GRIK4: variants seen among roughly 807,000 people sequenced by gnomAD.
The protein encoded by GRIK4 is glutamate receptor ionotropic, kainate 4.
GRIK4 carries 40 observed loss-of-function variants against 104.9 expected under a neutral mutation model. The ratio of observed to expected loss-of-function variants is 0.38; its 90% confidence interval spans 0.30 to 0.50. GRIK4 has a LOEUF of 0.50. Ranked by LOEUF, GRIK4 falls within the 20% of genes least tolerant of loss-of-function variation. GRIK4 has a pLI of 0.93. For missense variants in GRIK4, 1,047 were observed against 1,308.1 expected (o/e 0.80, Z 3.08); for synonymous variants, 485 against 524.9 (o/e 0.92, Z 1.04).
intron 3 of GRIK4, among the ~76,000 whole-genome samples, chr11:120,801,666 C>G (rs1227149123): frequency 6.6e-6 from 1 of 152,084 alleles, no homozygotes; most frequent in African/African-American, 2.4e-5. Flanking sequence ...ATTTGGGTTT[C>G]TTTTTGGAAA....
At chr11:120,911,825 C>CA (rs201824002) in intron 13 of GRIK4, among the ~76,000 whole-genome samples, 3,096 of 124,572 alleles carry the variant, frequency 0.025, 120 homozygotes, top group African/African-American at 0.091. Context: ...GCCTGAGTGA[C>CA]AGAGTAAGAC....
chr11:120,538,167 A>T (rs538406689), intron 1 of GRIK4, among the ~76,000 whole-genome samples: 2 of 152,330 alleles, frequency 1.3e-5, no homozygotes, highest in African/African-American at 4.8e-5. Context: ...AGCGGCACGC[A>T]TCCCATCCCT....
chr11:120,594,508 C>T (rs1047110024), intron 1 of GRIK4, among the ~76,000 whole-genome samples: 18 of 152,024 alleles, frequency 1.2e-4, no homozygotes, highest in African/African-American at 2.7e-4. Context: ...TAAATAAAAT[C>T]GTAACTCTTT....
intron 3 of GRIK4, among the ~76,000 whole-genome samples, chr11:120,776,867 A>G (rs1241985768): frequency 6.6e-6 from 1 of 152,206 alleles, no homozygotes; most frequent in African/African-American, 2.4e-5. Flanking sequence ...CCGCAGAGCA[A>G]GAGACAAGAG....
At chr11:120,627,690 G>A (rs1040168360) in intron 1 of GRIK4, among the ~76,000 whole-genome samples, 7 of 152,202 alleles carry the variant, frequency 4.6e-5, no homozygotes, top group Admixed American at 4.6e-4. Context: ...TGAGCTTGTG[G>A]CTTGGGGCCC....
At chr11:120,927,058 G>A (rs1019127297) in intron 13 of GRIK4, among the ~76,000 whole-genome samples, 1 of 152,128 alleles carries the variant, frequency 6.6e-6, no homozygotes, top group Non-Finnish European at 1.5e-5. Flanking sequence ...TAAACTCCAA[G>A]ACCCCAAGGT....
chr11:120,711,719 A>G (rs1279701029), intron 3 of GRIK4, among the ~76,000 whole-genome samples: 1 of 152,238 alleles, frequency 6.6e-6, no homozygotes, highest in Non-Finnish European at 1.5e-5. Flanking sequence ...GGATGATCCA[A>G]TAGAAAGAGG....
intron 3 of GRIK4, among the ~76,000 whole-genome samples, chr11:120,772,393 A>G (rs1951964118): frequency 6.6e-6 from 1 of 152,168 alleles, no homozygotes; most frequent in Non-Finnish European, 1.5e-5. Flanking sequence ...GGCATCCTCA[A>G]ATAAAAATTA....
At chr11:120,751,773 C>T (rs533188288) in intron 3 of GRIK4, among the ~76,000 whole-genome samples, 1 of 152,354 alleles carries the variant, frequency 6.6e-6, no homozygotes, top group South Asian at 2.1e-4. Flanking sequence ...CTCCCAAGCC[C>T]TGCTGGGCTT....
chr11:120,744,086 C>T (rs572174340), intron 3 of GRIK4, among the ~76,000 whole-genome samples: 5 of 152,288 alleles, frequency 3.3e-5, no homozygotes, highest in Admixed American at 6.5e-5. Context: ...CCCGGCACCC[C>T]GGTCTCTCTC....
At chr11:120,803,347 A>G (rs2135513790) in intron 4 of GRIK4, among the ~76,000 whole-genome samples, 1 of 152,330 alleles carries the variant, frequency 6.6e-6, no homozygotes, top group South Asian at 2.1e-4. Flanking sequence ...ATCCTATCCT[A>G]TCCAAACCTC....
chr11:120,859,506 G>A (rs537581194), intron 8 of GRIK4: 2 of 152,164 alleles, frequency 1.3e-5, no homozygotes, highest in African/African-American at 4.8e-5. Context: ...CATCCATCGG[G>A]CTCTGTGTGT....
Position 120,831,909 on chromosome 11 carries a change from C to T in GRIK4, c.569C>T (p.Ser190Phe). 1 of 1,613,982 alleles carries T rather than the reference C, an allele frequency of 6.2e-7. No homozygotes were observed. Among genetic ancestry groups the T allele is most frequent in the Non-Finnish European group, 8.5e-7 (1 of 1,179,916 alleles). ...TTCCTTATCTCCAAGGACACGCTGTCCGTCCGCATGCTGGATGACACCCGG... is the reference window on the plus strand; with the variant it reads ...TTCCTTATCTCCAAGGACACGCTGTTCGTCCGCATGCTGGATGACACCCGG... Reference protein sequence around the residue: ...RQFLISKDTLSVRMLDDTRDP... With the variant: ...RQFLISKDTLFVRMLDDTRDP... The change falls in exon 7 of 21, where the codon TCC (serine) becomes TTC (phenylalanine). Residue 190 changes from serine to phenylalanine, a missense_variant. Coordinates refer to ENST00000527524, the MANE Select transcript of GRIK4 (RefSeq NM_014619.5).
chr11:120,583,002 C>A (rs555292776), intron 1 of GRIK4, among the ~76,000 whole-genome samples: 1 of 152,336 alleles, frequency 6.6e-6, no homozygotes, highest in Admixed American at 6.5e-5. Context: ...CTTTTCTCTG[C>A]AACCTCAGCA....
rs954692496 is a variant in GRIK4 at position 120,925,285 on chromosome 11, T to G, written c.1477-15062T>G. On this transcript the variant is annotated intron_variant, in intron 13 of 20. Coordinates refer to ENST00000527524, the MANE Select transcript of GRIK4 (RefSeq NM_014619.5). ...CAGGGCTGACAAGTGGGAGGGAAAA[T>G]GAAAGGAAGACAGCGCCGTGAGCTG... Among the ~76,000 whole-genome samples the G allele has an allele frequency of 7.2e-5, 11 of 151,902 alleles. 1 individual carries two copies. The highest frequency in any genetic ancestry group is 5.2e-4 in the Admixed American group (8 of 15,270).
chr11:120,670,108 C>G (rs531289095), intron 3 of GRIK4, among the ~76,000 whole-genome samples: 135 of 152,358 alleles, frequency 8.9e-4, no homozygotes, highest in Middle Eastern at 3.4e-3. Context: ...CCCACATCCT[C>G]TCTATCAACA....
intron 3 of GRIK4, among the ~76,000 whole-genome samples, chr11:120,801,284 G>A (rs914436065): frequency 2.0e-5 from 3 of 152,194 alleles, no homozygotes; most frequent in Non-Finnish European, 2.9e-5. Context: ...GGAGTGCAAT[G>A]ACACTGTCTC....
intron 1 of GRIK4, among the ~76,000 whole-genome samples, chr11:120,594,777 T>G (rs746679548): frequency 6.6e-6 from 1 of 152,184 alleles, no homozygotes; most frequent in South Asian, 2.1e-4. Flanking sequence ...AATTCACTCA[T>G]AGCCGTACCA....
At chr11:120,748,299 A>G (rs1951483116) in intron 3 of GRIK4, among the ~76,000 whole-genome samples, 1 of 151,960 alleles carries the variant, frequency 6.6e-6, no homozygotes, top group African/African-American at 2.4e-5. Flanking sequence ...CCTGCCAAGC[A>G]CTTTTAATTT....
Sources: gnomAD v4.1 joint callset for allele counts (sites outside exome capture counted in the v4.1 genomes callset) on GRCh38, gnomAD v4.1.1 for gene constraint, MANE v1.5 for transcripts, NCBI Gene and HGNC (gene_info 2026-07-23, HGNC 2026-07-21) for gene names.